Variants in FERMT2 observed in about 807,000 individuals in gnomAD.
The protein encoded by FERMT2 is fermitin family homolog 2.
In FERMT2, 15 loss-of-function variants were observed where a neutral mutation model predicts 82.7. The observed-to-expected ratio is 0.18, with a 90% CI of 0.12 to 0.28. FERMT2 has a LOEUF of 0.28. Among genes scored for constraint, FERMT2 ranks in the 10% least tolerant of loss-of-function variants. The pLI, the probability that FERMT2 is intolerant of heterozygous loss-of-function variation, is 1.00. For missense variants in FERMT2, 645 were observed against 809.4 expected, an observed-to-expected ratio of 0.80 and a Z score of 2.46; for synonymous variants, 274 against 271.5, an observed-to-expected ratio of 1.01 and a Z score of -0.09.
At chr14:52,927,592 T>TGAAAAAAAAAAAAAAAA (rs1889350559) in intron 2 of FERMT2, among the ~76,000 whole-genome samples, 3 of 33,714 alleles carry the variant, frequency 8.9e-5, no homozygotes, top group African/African-American at 1.3e-4. Context: ...CTCATCCCTA[T>TGAAAAAAAAAAAAAAAA]AAAAAAAAAA....
intron 2 of FERMT2, among the ~76,000 whole-genome samples, chr14:52,945,819 G>GA (rs1354605648): frequency 6.6e-6 from 1 of 152,148 alleles, no homozygotes; most frequent in Non-Finnish European, 1.5e-5. Flanking sequence ...AATTTTTATA[G>GA]AAAGGTGGAA....
intron 2 of FERMT2, among the ~76,000 whole-genome samples, chr14:52,944,553 T>G (rs1158724400): frequency 6.6e-6 from 1 of 152,232 alleles, no homozygotes; most frequent in African/African-American, 2.4e-5. Flanking sequence ...AGTATTTTTT[T>G]GTGTAACGAA....
intron 3 of FERMT2, among the ~76,000 whole-genome samples, chr14:52,908,971 C>T (rs575684246): frequency 6.6e-6 from 1 of 152,224 alleles, no homozygotes; most frequent in East Asian, 1.9e-4. Context: ...CTCTTGCTTG[C>T]GGCTAGCATA....
At chr14:52,897,336 A>T (rs996133687) in intron 3 of FERMT2, among the ~76,000 whole-genome samples, 1 of 152,302 alleles carries the variant, frequency 6.6e-6, no homozygotes, top group Non-Finnish European at 1.5e-5. Context: ...ACTGGAATAG[A>T]ATTACTGGAT....
At chr14:52,901,018 T>A (rs182968416) in intron 3 of FERMT2, among the ~76,000 whole-genome samples, 49 of 147,832 alleles carry the variant, frequency 3.3e-4, no homozygotes, top group African/African-American at 1.2e-3. Flanking sequence ...CCTAGCACTT[T>A]GGGAGGCCGA....
chr14:52,918,431 T>C (rs557451282), intron 3 of FERMT2, among the ~76,000 whole-genome samples: 1 of 152,350 alleles, frequency 6.6e-6, no homozygotes, highest in African/African-American at 2.4e-5. Context: ...ATTACTAGTA[T>C]AATTTAAAAA....
At chr14:52,906,342 T>C (rs1015408914) in intron 3 of FERMT2, among the ~76,000 whole-genome samples, 1 of 152,098 alleles carries the variant, frequency 6.6e-6, no homozygotes, top group Non-Finnish European at 1.5e-5. Flanking sequence ...CTGAGAAGAA[T>C]CCCCAGAAGA....
intron 3 of FERMT2, among the ~76,000 whole-genome samples, chr14:52,901,988 CT>C (rs1887680758): frequency 6.6e-6 from 1 of 152,172 alleles, no homozygotes; most frequent in Non-Finnish European, 1.5e-5. Context: ...AGAAAAATAA[CT>C]TATGAGAAAC....
chr14:52,890,792 G>C (rs968519584), intron 4 of FERMT2, among the ~76,000 whole-genome samples: 1 of 151,842 alleles, frequency 6.6e-6, no homozygotes, highest in Non-Finnish European at 1.5e-5. Context: ...TAGTAGAAAT[G>C]GGGTTTCACC....
At chr14:52,866,425 C>T (rs1200136433) in intron 10 of FERMT2, among the ~76,000 whole-genome samples, 1 of 152,182 alleles carries the variant, frequency 6.6e-6, no homozygotes, top group Non-Finnish European at 1.5e-5. Flanking sequence ...TCCCTCCTTC[C>T]CAACCAGCCT....
chr14:52,950,532 A>G lies in FERMT2; in HGVS notation c.37T>C (p.Tyr13His). The G allele has an allele frequency of 6.2e-7, 1 of 1,614,140 alleles. No individual in the cohort carries two copies. The highest frequency in any genetic ancestry group is 2.2e-5 in the East Asian group (1 of 44,876). Reference protein sequence around the residue: ...LDGIRMPDGCYADGTWELSVH... With the variant: ...LDGIRMPDGCHADGTWELSVH... ...CTCAGTTCCCACGTCCCGTCCGCGT[A>G]GCAGCCATCTGGCATCCTTATCCCG... The change falls in exon 2 of 15, where the codon TAC (tyrosine) becomes CAC (histidine). Residue 13 changes from tyrosine (Y) to histidine (H), a missense_variant. Coordinates refer to ENST00000341590, the MANE Select transcript of FERMT2 (RefSeq NM_006832.3).
intron 2 of FERMT2, among the ~76,000 whole-genome samples, chr14:52,936,808 A>G (rs575364474): frequency 1.3e-5 from 2 of 152,244 alleles, no homozygotes; most frequent in Admixed American, 1.3e-4. Flanking sequence ...ACAGAATCCT[A>G]TAACTATTTC....
chr14:52,864,690 G>C, intron 11 of FERMT2, 57 bp downstream of exon 11: 1 of 1,570,408 alleles, frequency 6.4e-7, no homozygotes, highest in Non-Finnish European at 8.8e-7. Context: ...AAAATATAAG[G>C]ATGACTGGTC....
intron 2 of FERMT2, among the ~76,000 whole-genome samples, chr14:52,945,839 T>C (rs1890325828): frequency 6.6e-6 from 1 of 152,234 alleles, no homozygotes. Context: ...AATTTAATTG[T>C]ACACATAAGT....
intron 2 of FERMT2, among the ~76,000 whole-genome samples, chr14:52,944,221 A>T (rs1452854299): frequency 1.3e-5 from 2 of 152,246 alleles, no homozygotes; most frequent in Non-Finnish European, 2.9e-5. Context: ...TTACTATCAG[A>T]TTTAACCAAA....
At chr14:52,908,149 C>T (rs980208856) in intron 3 of FERMT2, among the ~76,000 whole-genome samples, 6 of 152,164 alleles carry the variant, frequency 3.9e-5, no homozygotes, top group African/African-American at 1.4e-4. Flanking sequence ...AGGAGATAGG[C>T]TCTCACACCT....
intron 4 of FERMT2, among the ~76,000 whole-genome samples, chr14:52,890,663 G>A (rs1886888805): frequency 6.7e-6 from 1 of 149,916 alleles, no homozygotes; most frequent in African/African-American, 2.5e-5. Context: ...GAATGCAGTG[G>A]CACAATCTCG....
At chr14:52,950,348 C>T (rs921440655) in intron 2 of FERMT2, 64 bp downstream of exon 2, 5 of 1,533,860 alleles carry the variant, frequency 3.3e-6, no homozygotes, top group East Asian at 4.7e-5. Context: ...CCGTCGTGAG[C>T]CTCTTTCCTC....
rs1210367009 is a variant in FERMT2, at chr14:52,922,018, G to A, written c.158-2662C>T. On this transcript the variant is annotated intron_variant, in intron 2 of 14. Coordinates refer to ENST00000341590, the MANE Select transcript of FERMT2 (RefSeq NM_006832.3). Reference sequence around the variant, plus strand: ...GAGCACTATGAGTCCACCAGCACATGTCACTTGGGTTCCTCCAGAAGGCAT... The same window carrying A: ...GAGCACTATGAGTCCACCAGCACATATCACTTGGGTTCCTCCAGAAGGCAT... Among the ~76,000 whole-genome samples the A allele has an allele frequency of 2.6e-5, 4 of 152,164 alleles. No homozygotes were observed. In the East Asian group the frequency reaches 7.7e-4, roughly 29 times the overall value.
Sources: gnomAD v4.1 joint callset for allele counts (sites outside exome capture counted in the v4.1 genomes callset) on GRCh38, gnomAD v4.1.1 for gene constraint, MANE v1.5 for transcripts, NCBI Gene and HGNC (gene_info 2026-07-23, HGNC 2026-07-21) for gene names.